The following OSBPL1A variants were observed in gnomAD, a reference collection of about 807,000 sequenced individuals.
OSBPL1A encodes oxysterol-binding protein-related protein 1.
OSBPL1A carries 80 observed loss-of-function variants against 137.1 expected under a neutral mutation model. That is an observed-to-expected ratio of 0.58 (90% CI 0.49 to 0.70). The LOEUF (loss-of-function observed/expected upper bound fraction) is 0.70. Ranked by LOEUF, OSBPL1A falls within the 30% of genes least tolerant of loss-of-function variation. The probability of loss-of-function intolerance (pLI) is 0.00; values close to 1 mark genes in which losing one functional copy is unlikely to be tolerated. For missense variants in OSBPL1A, 970 were observed against 1,129.4 expected (o/e 0.86, Z 2.02); for synonymous variants, 365 against 389.7 (o/e 0.94, Z 0.75).
chr18:24,193,885 G>C (rs925850799), intron 18 of OSBPL1A, among the ~76,000 whole-genome samples: 4 of 152,164 alleles, frequency 2.6e-5, no homozygotes, highest in African/African-American at 9.7e-5. Flanking sequence ...GCATTTACTT[G>C]TACAAGAAGT....
In OSBPL1A at chr18:24,181,389, C is replaced by T. The variant is rs181977462; in HGVS notation, c.1678-110G>A. 3.1e-5 allele frequency: 37 copies of T among 1,203,886 alleles called. No individual in the cohort carries two copies. In the African/African-American group the frequency reaches 5.2e-4, roughly 17 times the overall value. 74.6% of individuals were successfully genotyped at this position (1,203,886 alleles called of 1,614,324 possible). On this transcript the variant is annotated intron_variant, in intron 18 of 27. Transcript: ENST00000319481. Reference sequence around the variant, plus strand: ...AAAGGACAGAACAGAAACTAGCAACCCATGAAATTTCATCAATATTGGTTC... The same window carrying T: ...AAAGGACAGAACAGAAACTAGCAACTCATGAAATTTCATCAATATTGGTTC...
intron 4 of OSBPL1A, among the ~76,000 whole-genome samples, chr18:24,351,020 C>G (rs2091428769): frequency 6.6e-6 from 1 of 151,976 alleles, no homozygotes; most frequent in Non-Finnish European, 1.5e-5. Context: ...GTGTACAGCT[C>G]TGGAGGCCAA....
At chr18:24,395,223 C>A (rs1907652929) in intron 1 of OSBPL1A, among the ~76,000 whole-genome samples, 2 of 152,200 alleles carry the variant, frequency 1.3e-5, no homozygotes, top group African/African-American at 4.8e-5. Context: ...TCAGACTCAG[C>A]TTGGAAGAAC....
At chr18:24,220,433 C>T (rs1457362685) in intron 17 of OSBPL1A, among the ~76,000 whole-genome samples, 1 of 152,180 alleles carries the variant, frequency 6.6e-6, no homozygotes, top group Non-Finnish European at 1.5e-5. Flanking sequence ...CAACCCTCTA[C>T]TTTCCAGGAC....
chr18:24,363,663 A>G (rs1316117944), intron 4 of OSBPL1A, among the ~76,000 whole-genome samples: 1 of 150,534 alleles, frequency 6.6e-6, no homozygotes, highest in Non-Finnish European at 1.5e-5. Context: ...TTTCTTTCTT[A>G]TAGGGTCTCC....
At chr18:24,387,802 C>T (rs1907046068) in intron 1 of OSBPL1A, among the ~76,000 whole-genome samples, 3 of 151,402 alleles carry the variant, frequency 2.0e-5, no homozygotes, top group Non-Finnish European at 4.4e-5. Context: ...TCTAGAATGC[C>T]CATGAGTATC....
At chr18:24,353,205 TCAAA>T (rs1159980390) in intron 4 of OSBPL1A, among the ~76,000 whole-genome samples, 2 of 151,820 alleles carry the variant, frequency 1.3e-5, no homozygotes, top group Non-Finnish European at 2.9e-5. Context: ...TACAATGAAC[TCAAA>T]CAAATTTACA....
intron 15 of OSBPL1A, among the ~76,000 whole-genome samples, chr18:24,262,980 G>A (rs74421791): frequency 0.021 from 3,154 of 152,014 alleles, 39 homozygotes; most frequent in Non-Finnish European, 0.029. Flanking sequence ...TTTTACAAAG[G>A]ACTATTCCAC....
In OSBPL1A at chr18:24,258,213, A is replaced by G. The variant is rs1055506875; in HGVS notation, c.1282-18831T>C. Among the ~76,000 whole-genome samples, 3 of 152,208 alleles carry G rather than the reference A, an allele frequency of 2.0e-5. No individual in the cohort carries two copies. The East Asian group carries it at 5.8e-4, about 29-fold the overall frequency. ...TTCACAATAGCCAAGATTTGGAAGC[A>G]ACCTACGTGTCCATCAACAGATGGA... On this transcript the variant is annotated intron_variant, in intron 15 of 27. Coordinates refer to ENST00000319481, the MANE Select transcript of OSBPL1A (RefSeq NM_080597.4).
At chr18:24,302,684 G>A (rs2090425833) in intron 14 of OSBPL1A, 1 of 152,218 alleles carries the variant, frequency 6.6e-6, no homozygotes, top group Non-Finnish European at 1.5e-5. Flanking sequence ...GCCTCCCAAA[G>A]TGCCAGGATT....
At chr18:24,296,867 A>G (rs898775959) in intron 14 of OSBPL1A, among the ~76,000 whole-genome samples, 1 of 152,120 alleles carries the variant, frequency 6.6e-6, no homozygotes, top group Non-Finnish European at 1.5e-5. Flanking sequence ...ATCATGGTGT[A>G]TTATCTTTCT....
Position 24,271,207 on chromosome 18 carries a change from T to A in OSBPL1A, c.1281+9635A>T, listed in dbSNP as rs1599595805. On this transcript the variant is annotated intron_variant, in intron 15 of 27. Coordinates refer to ENST00000319481, the MANE Select transcript of OSBPL1A (RefSeq NM_080597.4). This position sits in a 1 kb window ranked among gnomAD's most constrained non-coding sequence, Gnocchi z 4.0. The stretch of plus-strand genomic sequence containing the variant: ...CGGCCTCTGAAGAGCGGATGGTAAG[T>A]TCATCTCAATGTCAGCCGGAGCACA... Among the ~76,000 whole-genome samples the A allele has an allele frequency of 6.6e-6, 1 of 152,336 alleles. No homozygotes were observed. Among genetic ancestry groups the A allele is most frequent in the East Asian group, 1.9e-4 (1 of 5,190 alleles).
intron 15 of OSBPL1A, among the ~76,000 whole-genome samples, chr18:24,266,366 T>C (rs771971912): frequency 1.3e-5 from 2 of 152,062 alleles, no homozygotes; most frequent in Non-Finnish European, 2.9e-5. Flanking sequence ...CTCTTTGGTG[T>C]TGGGGCCAAG....
intron 7 of OSBPL1A, among the ~76,000 whole-genome samples, chr18:24,320,594 AG>A (rs1415164474): frequency 6.6e-6 from 1 of 152,172 alleles, no homozygotes; most frequent in East Asian, 1.9e-4. Flanking sequence ...ACATCACACA[AG>A]GGGTTTGTAG....
At chr18:24,362,181 G>T (rs1260353195) in intron 4 of OSBPL1A, among the ~76,000 whole-genome samples, 1 of 151,830 alleles carries the variant, frequency 6.6e-6, no homozygotes, top group Admixed American at 6.6e-5. Context: ...GTAGATCTGG[G>T]CCATGTAGAA....
chr18:24,317,255 A>C, intron 10 of OSBPL1A, 43 bp from the exon 11 acceptor site: 1 of 1,610,584 alleles, frequency 6.2e-7, no homozygotes, highest in Non-Finnish European at 8.5e-7. Context: ...AGGAAAAGAG[A>C]CAAGTGAAAA....
chr18:24,326,821 A>G lies in OSBPL1A; in HGVS notation c.625+6121T>C, dbSNP rs79993940. 8.9e-3 allele frequency among the ~76,000 whole-genome samples: 1,357 copies of G among 152,298 alleles called. 19 individuals are homozygous for G. Among genetic ancestry groups the G allele is most frequent in the African/African-American group, 0.031 (1,293 of 41,558 alleles). On this transcript the variant is annotated intron_variant, in intron 7 of 27. Transcript: ENST00000319481. The stretch of plus-strand genomic sequence containing the variant: ...TTTTTAAAAAATATATGTTACTATG[A>G]AACATTAACAACTAAAACTAAAACA...
chr18:24,348,574 A>G (rs1763602128), intron 4 of OSBPL1A, among the ~76,000 whole-genome samples: 1 of 151,962 alleles, frequency 6.6e-6, no homozygotes, highest in Non-Finnish European at 1.5e-5. Context: ...GGAGTTTGAG[A>G]TCTGCCTGGC....
chr18:24,376,292 G>A (rs1247275903), intron 2 of OSBPL1A, among the ~76,000 whole-genome samples: 2 of 152,168 alleles, frequency 1.3e-5, no homozygotes, highest in African/African-American at 4.8e-5. Flanking sequence ...AGGTTAGCTA[G>A]ATACAGAGTG....
Sources: allele counts gnomAD v4.1 joint callset (sites outside exome capture counted in the v4.1 genomes callset), GRCh38; gene constraint gnomAD v4.1.1; non-coding constraint Gnocchi (gnomAD v3.1); transcripts MANE v1.5; gene names NCBI Gene and HGNC (gene_info 2026-07-23, HGNC 2026-07-21).